The following ZNF695 variants were observed in gnomAD, a reference collection of about 807,000 sequenced individuals.
ZNF695 encodes the protein zinc finger protein SBZF3.
ZNF695 carries 11 observed loss-of-function variants against 11.2 expected under a neutral mutation model. The observed-to-expected ratio is 0.98, with a 90% CI of 0.62 to 1.62. ZNF695 has a LOEUF of 1.62. ZNF695 is among the 40% of genes most tolerant of loss of function. ZNF695 has a pLI of 0.00. For missense variants in ZNF695, 559 were observed against 590.5 expected, an observed-to-expected ratio of 0.95 and a Z score of 0.55; for synonymous variants, 190 against 201.4, an observed-to-expected ratio of 0.94 and a Z score of 0.48.
chr1:247,002,713 G>A (rs1266232534), intron 1 of ZNF695, among the ~76,000 whole-genome samples: 4 of 152,138 alleles, frequency 2.6e-5, no homozygotes, highest in African/African-American at 9.7e-5. Flanking sequence ...AACCCAGGGG[G>A]CAGAGGTTGC....
intron 5 of ZNF695, among the ~76,000 whole-genome samples, chr1:246,966,141 A>G (rs946547934): frequency 3.9e-5 from 6 of 152,094 alleles, no homozygotes; most frequent in African/African-American, 1.4e-4. Flanking sequence ...TCAACTGTGA[A>G]GGAAGTAGAA....
intron 3 of ZNF695, among the ~76,000 whole-genome samples, chr1:246,989,246 C>T (rs987898920): frequency 2.0e-5 from 3 of 152,042 alleles, no homozygotes; most frequent in African/African-American, 7.2e-5. Flanking sequence ...GCCTGGGCAA[C>T]AAGAGTGAAA....
chr1:247,007,989 A>G lies in ZNF695; in HGVS notation c.-81T>C, dbSNP rs2818875. On this transcript the variant is annotated 5_prime_UTR_variant, in exon 1 of 4. Transcript: ENST00000339986. ...GCCACAGGGCGATGGAGCCTGCGGC[A>G]GTCACCCGGGACTCTCCGAGAGGCA... is the stretch of plus-strand genomic sequence containing the variant. The G allele has an allele frequency of 6.8e-4, 957 of 1,408,514 alleles. 5 individuals carry two copies. The African/African-American group carries it at 0.012, about 17-fold the overall frequency. The allele number at this position is 1,408,514 out of a possible 1,614,324, so 87.3% of individuals were successfully genotyped here.
chr1:246,979,135 T>G (rs2103017462), intron 4 of ZNF695, among the ~76,000 whole-genome samples: 2 of 152,322 alleles, frequency 1.3e-5, no homozygotes, highest in Middle Eastern at 6.8e-3. Context: ...TGGCCTGGGC[T>G]GGAATCTGTC....
rs1254012825 is a variant in ZNF695, at chr1:246,986,813, A to G, written c.*154T>C. 4.3e-6 allele frequency: 6 copies of G among 1,406,124 alleles called. No individual in the cohort carries two copies. The highest frequency in any genetic ancestry group is 5.5e-6 in the Non-Finnish European group (6 of 1,085,138). 87.1% of individuals were successfully genotyped at this position (1,406,124 alleles called of 1,614,324 possible). On this transcript the variant is annotated 3_prime_UTR_variant, in exon 4 of 4. Transcript: ENST00000339986. ...GTCTATTTGTATTGTTCGTAGCCTA[A>G]ACATTTTAGTGCACTCAAAGGCTCA...
intron 4 of ZNF695, among the ~76,000 whole-genome samples, chr1:246,973,008 A>G (rs1668467424): frequency 1.3e-5 from 2 of 149,248 alleles, no homozygotes; most frequent in South Asian, 4.2e-4. Context: ...CAAACAGAAG[A>G]GTAATAGGAA....
chr1:246,989,837 G>A (rs1247312948), intron 3 of ZNF695, among the ~76,000 whole-genome samples: 1 of 152,074 alleles, frequency 6.6e-6, no homozygotes, highest in East Asian at 1.9e-4. Context: ...AGGCAACATG[G>A]TGAAACCCAT....
At chr1:246,953,113 C>T (rs1432296657) in intron 5 of ZNF695, among the ~76,000 whole-genome samples, 1 of 152,118 alleles carries the variant, frequency 6.6e-6, no homozygotes, top group Non-Finnish European at 1.5e-5. Flanking sequence ...TTCTACTCTA[C>T]TAGATATTTT....
At chr1:246,985,224 A>G (rs984139135), downstream of ZNF695, 40 of 882,870 alleles carry the variant, frequency 4.5e-5, no homozygotes, top group Non-Finnish European at 5.0e-5. Context: ...CAAAACTAAA[A>G]GCATGTATAT....
chr1:246,984,711 C>T (rs569736413), downstream of ZNF695, among the ~76,000 whole-genome samples: 31 of 152,150 alleles, frequency 2.0e-4, no homozygotes, highest in Middle Eastern at 3.4e-3. Context: ...AAAGTTGGCT[C>T]GAATAGTGTT....
intron 1 of ZNF695, among the ~76,000 whole-genome samples, chr1:247,003,333 T>G (rs541138408): frequency 1.4e-4 from 21 of 152,328 alleles, no homozygotes; most frequent in African/African-American, 5.1e-4. Flanking sequence ...TGCTGGATAA[T>G]TTAATTAATA....
In ZNF695 at chr1:246,967,979, G is replaced by C. The variant is rs561866368; in HGVS notation, c.391-187C>G. ...GACATGAAATTTGGGTGGGGACACA[G>C]AGCCAAACCATATCATTCCACTCCT... On this transcript the variant is annotated intron_variant, in intron 4 of 5. Transcript: ENST00000487338. 11 of 163,860 alleles carry C rather than the reference G, an allele frequency of 6.7e-5. 1 individual carries two copies. The South Asian group carries it at 1.5e-3, about 23-fold the overall frequency. The allele number at this position is 163,860 out of a possible 1,614,324, so 10.2% of individuals were successfully genotyped here.
chr1:246,995,985 C>T, intron 3 of ZNF695: 3 of 450,180 alleles, frequency 6.7e-6, no homozygotes, highest in Non-Finnish European at 8.9e-6. Context: ...CAACATTATT[C>T]ACAAAAGCTG....
At position 246,999,979 on chromosome 1, in the gene ZNF695, C is replaced by T. The variant is rs369110100; in HGVS notation, c.99G>A (p.Met33Ile). 3.1e-5 allele frequency: 50 copies of T among 1,614,042 alleles called. No homozygotes were observed. The highest frequency in any genetic ancestry group is 4.2e-5 in the Non-Finnish European group (50 of 1,180,010). The change falls in exon 2 of 4, where the codon ATG (methionine) becomes ATA (isoleucine). Residue 33 changes from methionine to isoleucine, a missense_variant. Transcript: ENST00000339986. ...AGATCAGGTTTCTGTAGTTCTCTAA[C>T]ATCACATCCCTATACAAACTCCGCT... Reference protein sequence around the residue: ...PAQRSLYRDVMLENYRNLISL... With the variant: ...PAQRSLYRDVILENYRNLISL...
Position 246,988,132 on chromosome 1 carries a change from C to T in ZNF695, c.383G>A (p.Trp128Ter), listed in dbSNP as rs1668912066. 1.9e-6 allele frequency: 3 copies of T among 1,613,712 alleles called. No individual in the cohort carries two copies. Among genetic ancestry groups the T allele is most frequent in the Non-Finnish European group, 1.7e-6 (2 of 1,179,854 alleles). ...CLEKLRLRND[W>*]EIVGEWKGQK... ...CCCTTTCCACTCACCCACAATTTCC[C>T]AGTCATTCCTTAAGCGTAATTTCTC... The change falls in exon 4 of 4, where the codon TGG becomes TAG. Residue 128 changes from tryptophan to a stop codon, truncating the protein, a stop_gained. Transcript: ENST00000339986. LOFTEE classifies it low-confidence loss of function (END_TRUNC).
Position 246,986,495 on chromosome 1 carries a change from T to G in ZNF695, c.*472A>C. 1.0e-6 allele frequency: 1 copy of G among 987,624 alleles called. No individual in the cohort carries two copies. Among genetic ancestry groups the G allele is most frequent in the Non-Finnish European group, 1.2e-6 (1 of 831,448 alleles). 61.2% of individuals were successfully genotyped at this position (987,624 alleles called of 1,614,324 possible). ...TTACAGTAATGTCTGAAAGTGTCAGTGACTTAGTGCTTTTTACTATGAATT... is the reference window on the plus strand; with the variant it reads ...TTACAGTAATGTCTGAAAGTGTCAGGGACTTAGTGCTTTTTACTATGAATT... On this transcript the variant is annotated 3_prime_UTR_variant, in exon 4 of 4. Coordinates refer to ENST00000339986, the MANE Select transcript of ZNF695 (RefSeq NM_020394.5).
intron 3 of ZNF695, among the ~76,000 whole-genome samples, chr1:246,992,988 G>C (rs527864511): frequency 6.6e-6 from 1 of 152,204 alleles, no homozygotes; most frequent in Non-Finnish European, 1.5e-5. Flanking sequence ...TTGACCGACA[G>C]GTTGGTTCTG....
downstream of ZNF695, chr1:246,945,620 A>G (rs1451208819): frequency 1.5e-6 from 1 of 647,856 alleles, no homozygotes; most frequent in African/African-American, 1.8e-5. Context: ...AGATATCTCA[A>G]TAAAAACCAA....
intron 1 of ZNF695, among the ~76,000 whole-genome samples, chr1:247,006,963 C>T (rs1669558164): frequency 6.6e-6 from 1 of 152,170 alleles, no homozygotes; most frequent in Admixed American, 6.5e-5. Flanking sequence ...GTAGGCTTAA[C>T]CAACCACTAA....
Sources: gnomAD v4.1 joint callset for allele counts (sites outside exome capture counted in the v4.1 genomes callset) on GRCh38, gnomAD v4.1.1 for gene constraint, MANE v1.5 for transcripts, NCBI Gene and HGNC (gene_info 2026-07-23, HGNC 2026-07-21) for gene names.